The following DNA2 variants were observed in gnomAD, a reference collection of about 807,000 sequenced individuals.
The protein encoded by DNA2 is DNA replication helicase/nuclease 2.
In DNA2, 101 loss-of-function variants were observed where a neutral mutation model predicts 119.1. The ratio of observed to expected loss-of-function variants is 0.85; its 90% CI spans 0.72 to 1.00. The LOEUF is 1.00. Among genes scored for constraint, DNA2 ranks in the 50% least tolerant of loss-of-function variants. The pLI is 0.00. For synonymous variants in DNA2, 366 were observed against 424.4 expected (o/e 0.86, Z 1.69); for missense variants, 1,121 against 1,255.5 (o/e 0.89, Z 1.62).
In DNA2 at chr10:68,448,982, T is replaced by TGC. The variant is rs1159101562; in HGVS notation, c.939+1045_939+1046insGC. Among the ~76,000 whole-genome samples, 31 of 144,262 alleles carry TGC rather than the reference T, an allele frequency of 2.1e-4. 3 individuals carry two copies. Among genetic ancestry groups the TGC allele is most frequent in the African/African-American group, 7.7e-4 (27 of 34,940 alleles). The allele number at this position is 144,262 out of a possible 152,430, so 94.6% of individuals were successfully genotyped here. A position where few individuals can be genotyped will look rare whatever the true frequency, so the allele number is the denominator to read the frequency against. On this transcript the variant is annotated intron_variant, in intron 6 of 20. Coordinates refer to ENST00000358410, the MANE Select transcript of DNA2 (RefSeq NM_001080449.3). ...GTGTGTGTGTGCGTGTGTGTGTGTG[T>TGC]GTGTAGTAGTTTCACCATGTTGGCC...
At position 68,414,664 on chromosome 10, in the gene DNA2, T is replaced by C. The variant is rs1020010051; in HGVS notation, c.*375A>G. On this transcript the variant is annotated 3_prime_UTR_variant, in exon 21 of 21. Transcript: ENST00000358410. ...AAAATACAGAAAAGAATCACACTTA[T>C]GTTCTCATCATCACAAGACTGTGCT... 9 of 162,918 alleles carry C rather than the reference T, an allele frequency of 5.5e-5. No homozygotes were observed. The highest frequency in any genetic ancestry group is 5.1e-4 in the East Asian group (3 of 5,862). 10.1% of individuals were successfully genotyped at this position (162,918 alleles called of 1,614,324 possible). A position where few individuals can be genotyped will look rare whatever the true frequency, so the allele number is the denominator to read the frequency against.
chr10:68,415,324 TG>T (rs1029998572), intron 20 of DNA2, among the ~76,000 whole-genome samples: 4 of 151,640 alleles, frequency 2.6e-5, no homozygotes, highest in Non-Finnish European at 5.9e-5. Context: ...TTACCCAGGC[TG>T]GAGTGCAATG....
At chr10:68,472,065 G>A (rs1388640103), upstream of DNA2, 2 of 1,592,072 alleles carry the variant, frequency 1.3e-6, no homozygotes, top group South Asian at 1.1e-5. Context: ...TGAGCAGCAG[G>A]GCTCTGTCCC....
chr10:68,442,213 A>G (rs1279722844), intron 9 of DNA2, among the ~76,000 whole-genome samples: 2 of 151,230 alleles, frequency 1.3e-5, no homozygotes, highest in Non-Finnish European at 3.0e-5. Flanking sequence ...ACGCCCTGAC[A>G]AAAGTAATTT....
intron 5 of DNA2, among the ~76,000 whole-genome samples, chr10:68,455,434 C>G (rs1029613300): frequency 6.6e-6 from 1 of 152,064 alleles, no homozygotes; most frequent in African/African-American, 2.4e-5. Flanking sequence ...TTTTAAAACA[C>G]AAGAAAAACT....
chr10:68,416,545 C>T, intron 20 of DNA2, 164 bp downstream of exon 20: 1 of 628,588 alleles, frequency 1.6e-6, no homozygotes, highest in Non-Finnish European at 2.8e-6. Context: ...CCGTGGCTCA[C>T]ATCTGTAATC....
At chr10:68,470,450 AT>A in intron 1 of DNA2, 1 of 368,292 alleles carries the variant, frequency 2.7e-6, no homozygotes, top group South Asian at 2.4e-5. Context: ...TACAATGAGG[AT>A]TAAGAATAAA....
Position 68,419,232 on chromosome 10 carries a change from A to G in DNA2, c.2788-19T>C. 1 of 1,492,674 alleles carries G rather than the reference A, an allele frequency of 6.7e-7. No individual in the cohort carries two copies. 92.5% of individuals were successfully genotyped at this position (1,492,674 alleles called of 1,614,324 possible). A position where few individuals can be genotyped will look rare whatever the true frequency, so the allele number is the denominator to read the frequency against. On this transcript the variant is annotated intron_variant, in intron 18 of 20. Coordinates refer to ENST00000358410, the MANE Select transcript of DNA2 (RefSeq NM_001080449.3). The stretch of plus-strand genomic sequence containing the variant: ...ATCCAGCCTAAATAGAAAAAGACAC[A>G]ATTTAAAAGAAAGAAATCCTGATTA...
upstream of DNA2, chr10:68,472,154 C>T (rs867833616): frequency 5.2e-6 from 7 of 1,354,232 alleles, no homozygotes; most frequent in Middle Eastern, 2.0e-4. Context: ...CCTGCCTTCT[C>T]TCTTGACACT....
intron 9 of DNA2, among the ~76,000 whole-genome samples, chr10:68,441,797 A>G (rs894749082): frequency 6.6e-6 from 1 of 152,056 alleles, no homozygotes; most frequent in Non-Finnish European, 1.5e-5. Flanking sequence ...GCGAGTATTT[A>G]AAAAATCCAG....
chr10:68,466,471 G>T (rs910802830), intron 3 of DNA2, among the ~76,000 whole-genome samples: 5 of 149,480 alleles, frequency 3.3e-5, no homozygotes, highest in Non-Finnish European at 7.4e-5. Flanking sequence ...GTAATGTTTG[G>T]GAAGAAAAAA....
At position 68,471,927 on chromosome 10, in the gene DNA2, A is replaced by G. The variant is rs1164665535; in HGVS notation, c.-63T>C. The G allele has an allele frequency of 6.2e-7, 1 of 1,613,636 alleles. No individual in the cohort carries two copies. The highest frequency in any genetic ancestry group is 8.5e-7 in the Non-Finnish European group (1 of 1,179,618). ...CAGCGGAACCGGGGGTAACACAGAA[A>G]GCTTAGAAAAGGGAAAAAGGCGCGA... On this transcript the variant is annotated 5_prime_UTR_variant, in exon 1 of 21. Transcript: ENST00000358410.
At chr10:68,436,443 G>A (rs916341786) in intron 10 of DNA2, among the ~76,000 whole-genome samples, 2 of 152,098 alleles carry the variant, frequency 1.3e-5, no homozygotes, top group Non-Finnish European at 2.9e-5. Flanking sequence ...AAGTGACTGC[G>A]TAATAGGAAT....
At position 68,430,552 on chromosome 10, in the gene DNA2, G is replaced by A. The variant is rs1487460324; in HGVS notation, c.2092C>T (p.Arg698Cys). Residue 698 changes from arginine to cysteine, a missense_variant, in exon 14 of 21, where the codon CGT becomes TGT. Physicochemically the swap from Arg to Cys is radical, Grantham distance 180 (BLOSUM62 -3). Transcript: ENST00000358410. ...TGAACCTTCTGAATCTGACCCAAAC[G>A]CAAAAATCCTATTTTAAACTTGGCT... The part of the protein sequence containing the change: ...KLAKFKIGFL[R>C]LGQIQKVHPA... The A allele has an allele frequency of 2.5e-6, 4 of 1,609,604 alleles. No individual in the cohort carries two copies. The highest frequency in any genetic ancestry group is 1.3e-5 in the African/African-American group (1 of 74,944).
At chr10:68,419,929 T>C (rs2051643119) in intron 17 of DNA2, 37 bp from the exon 18 acceptor site, 3 of 1,558,768 alleles carry the variant, frequency 1.9e-6, no homozygotes, top group Non-Finnish European at 8.8e-7. Flanking sequence ...GATAATACAA[T>C]CTCTAAAGAG....
intron 14 of DNA2, among the ~76,000 whole-genome samples, chr10:68,423,825 G>A (rs1386702484): frequency 6.6e-6 from 1 of 152,228 alleles, no homozygotes; most frequent in Admixed American, 6.5e-5. Flanking sequence ...TTTGGTCAAA[G>A]AAGGCTGAGT....
intron 3 of DNA2, among the ~76,000 whole-genome samples, chr10:68,466,482 A>C (rs1192205883): frequency 6.6e-6 from 1 of 152,124 alleles, no homozygotes; most frequent in Admixed American, 6.6e-5. Flanking sequence ...GAAGAAAAAA[A>C]ATTTTTTTAA....
intron 10 of DNA2, 185 bp downstream of exon 10, chr10:68,436,826 A>G (rs2051894322): frequency 3.7e-6 from 2 of 547,290 alleles, no homozygotes; most frequent in Non-Finnish European, 3.2e-6. Flanking sequence ...TAAAGGGTAT[A>G]GGGCTTCTTC....
Position 68,422,386 on chromosome 10 carries a change from G to C in DNA2, c.2536C>G (p.Leu846Val). 1 of 1,613,890 alleles carries C rather than the reference G, an allele frequency of 6.2e-7. No individual in the cohort carries two copies. The highest frequency in any genetic ancestry group is 8.5e-7 in the Non-Finnish European group (1 of 1,179,852). The change falls in exon 17 of 21, where the codon CTG (leucine) becomes GTG (valine). Residue 846 changes from leucine to valine, a missense_variant. Physicochemically the swap from Leu to Val is conservative, Grantham distance 32 (BLOSUM62 1). Coordinates refer to ENST00000358410, the MANE Select transcript of DNA2 (RefSeq NM_001080449.3). ...LSNKLTYEGK[L>V]ECGSDKVANA... ...GCCACTTTGTCTGATCCACACTCCA[G>C]CTTGCCCTCATAGGTCAGCTTATTA...
Sources: gnomAD v4.1 joint callset for allele counts (sites outside exome capture counted in the v4.1 genomes callset) on GRCh38, gnomAD v4.1.1 for gene constraint, MANE v1.5 for transcripts, NCBI Gene and HGNC (gene_info 2026-07-23, HGNC 2026-07-21) for gene names.